The following NXN variants were observed in gnomAD, a reference collection of about 807,000 sequenced individuals.
The protein encoded by NXN is nucleoredoxin.
NXN carries 16 observed loss-of-function variants against 48.6 expected under a neutral mutation model. The observed-to-expected ratio is 0.33, with a 90% CI of 0.22 to 0.50. The LOEUF (loss-of-function observed/expected upper bound fraction) is 0.50. Among genes scored for constraint, NXN ranks in the 20% least tolerant of loss-of-function variants. The pLI, the probability that NXN is intolerant of heterozygous loss-of-function variation, is 0.98. For synonymous variants in NXN, 281 were observed against 269.6 expected, an observed-to-expected ratio of 1.04 and a Z score of -0.41; for missense variants, 492 against 605.5, an observed-to-expected ratio of 0.81 and a Z score of 1.97.
chr17:887,292 C>T (rs1376196651), intron 1 of NXN, among the ~76,000 whole-genome samples: 1 of 152,150 alleles, frequency 6.6e-6, no homozygotes, highest in African/African-American at 2.4e-5. Flanking sequence ...CAAGTGGCCA[C>T]AGCGACGAAG....
intron 4 of NXN, among the ~76,000 whole-genome samples, chr17:820,219 C>T (rs1912747393): frequency 6.6e-6 from 1 of 152,198 alleles, no homozygotes. Flanking sequence ...ATGGTGGTAA[C>T]ATGGTACGTA....
chr17:966,616 G>A (rs1418299478), intron 1 of NXN, among the ~76,000 whole-genome samples: 1 of 152,002 alleles, frequency 6.6e-6, no homozygotes, highest in Non-Finnish European at 1.5e-5. Context: ...CAAAGTGCTG[G>A]GAATACAGAC....
intron 1 of NXN, among the ~76,000 whole-genome samples, chr17:885,648 C>T (rs2068336903): frequency 6.8e-6 from 1 of 148,012 alleles, no homozygotes; most frequent in African/African-American, 2.5e-5. Flanking sequence ...AGGCGCCATG[C>T]CCACCTGGGG....
intron 1 of NXN, among the ~76,000 whole-genome samples, chr17:912,931 G>T (rs913592207): frequency 6.6e-6 from 1 of 152,042 alleles, no homozygotes; most frequent in Non-Finnish European, 1.5e-5. Flanking sequence ...TCCAGCCTGG[G>T]CGACAGAGTG....
At chr17:935,184 G>A (rs1464021045) in intron 1 of NXN, among the ~76,000 whole-genome samples, 1 of 151,934 alleles carries the variant, frequency 6.6e-6, no homozygotes. Context: ...ACTAGAGACA[G>A]GGTTTTACCA....
In NXN at chr17:884,180, C is replaced by T. The variant is rs58098337; in HGVS notation, c.361-58102G>A. 7.8e-3 allele frequency among the ~76,000 whole-genome samples: 1,180 copies of T among 151,342 alleles called. 13 individuals are homozygous for T. Among genetic ancestry groups the T allele is most frequent in the African/African-American group, 0.026 (1,079 of 41,190 alleles). Reference sequence around the variant, plus strand: ...AGCTTGCAGTGAGCTGAGATTGCACCACTGCACTCCAGCCTGGGGGACTGA... The same window carrying T: ...AGCTTGCAGTGAGCTGAGATTGCACTACTGCACTCCAGCCTGGGGGACTGA... On this transcript the variant is annotated intron_variant, in intron 1 of 7. Transcript: ENST00000336868.
chr17:832,021 A>G (rs1173650338), intron 1 of NXN, among the ~76,000 whole-genome samples: 1 of 151,166 alleles, frequency 6.6e-6, no homozygotes, highest in Non-Finnish European at 1.5e-5. Flanking sequence ...TGTAACAGGA[A>G]TCTCTCTGTG....
chr17:811,509 T>TGGG (rs112363540), intron 5 of NXN, among the ~76,000 whole-genome samples: 2,279 of 142,830 alleles, frequency 0.016, 22 homozygotes, highest in South Asian at 0.048. Flanking sequence ...GCCCCGGGGT[T>TGGG]GGGGGGGGGG....
chr17:819,651 G>A (rs911463825), intron 4 of NXN, 106 bp from the exon 5 acceptor site: 6 of 784,088 alleles, frequency 7.7e-6, no homozygotes, highest in Non-Finnish European at 1.2e-5. Flanking sequence ...CAGAAGCCGG[G>A]GTTTCTAACC....
intron 1 of NXN, among the ~76,000 whole-genome samples, chr17:891,769 C>A (rs993882169): frequency 3.4e-4 from 51 of 151,506 alleles, no homozygotes; most frequent in Non-Finnish European, 6.7e-4. Flanking sequence ...TAAGCTAACC[C>A]CACCATGCAG....
chr17:957,911 C>T (rs540712410), intron 1 of NXN, among the ~76,000 whole-genome samples: 4 of 152,302 alleles, frequency 2.6e-5, no homozygotes, highest in Non-Finnish European at 4.4e-5. Flanking sequence ...ACGTCAGCAT[C>T]GCCCAGAATG....
At chr17:832,494 A>G (rs1211517796) in intron 1 of NXN, among the ~76,000 whole-genome samples, 1 of 151,990 alleles carries the variant, frequency 6.6e-6, no homozygotes, top group Non-Finnish European at 1.5e-5. Flanking sequence ...CTCAGCCAGG[A>G]ATTTTTAAGG....
chr17:827,263 G>A (rs1030287807), intron 1 of NXN, among the ~76,000 whole-genome samples: 8 of 151,908 alleles, frequency 5.3e-5, no homozygotes, highest in Non-Finnish European at 5.9e-5. Context: ...TGGATCATGA[G>A]GTCAGGAGAT....
rs373543866 is a variant in NXN at position 822,344 on chromosome 17, C to G, written c.713+13G>C. 2.5e-6 allele frequency: 4 copies of G among 1,597,586 alleles called. No homozygotes were observed. In the African/African-American group the frequency reaches 5.4e-5, roughly 21 times the overall value. ...TACAGAAAAGGGGCCCAGCACTTCA[C>G]GGCACGACTGACCTGTCTGCACTAA... is the stretch of plus-strand genomic sequence containing the variant. On this transcript the variant is annotated intron_variant, in intron 4 of 7. Coordinates refer to ENST00000336868, the MANE Select transcript of NXN (RefSeq NM_022463.5).
intron 1 of NXN, among the ~76,000 whole-genome samples, chr17:853,330 C>T (rs1402505375): frequency 6.6e-6 from 1 of 151,930 alleles, no homozygotes; most frequent in Non-Finnish European, 1.5e-5. Flanking sequence ...CGCCTGTAGT[C>T]CCAGCTACTC....
rs909891730 is a variant in NXN, at chr17:825,406, G to C, written c.478+555C>G. Among the ~76,000 whole-genome samples, 1 of 152,172 alleles carries C rather than the reference G, an allele frequency of 6.6e-6. No individual in the cohort carries two copies. Among genetic ancestry groups the C allele is most frequent in the Non-Finnish European group, 1.5e-5 (1 of 68,030 alleles). ...ACAGCCCTGTTCTCACTCACTGCCA[G>C]AGGGAAAGACGCCACGCGGACGGCC... On this transcript the variant is annotated intron_variant, in intron 2 of 7. Coordinates refer to ENST00000336868, the MANE Select transcript of NXN (RefSeq NM_022463.5). The surrounding 1 kb of genome is among the most constrained non-coding windows in gnomAD (Gnocchi z 4.1).
chr17:819,665 G>T, intron 4 of NXN, 120 bp from the exon 5 acceptor site: 1 of 689,600 alleles, frequency 1.5e-6, no homozygotes, highest in Non-Finnish European at 2.5e-6. Flanking sequence ...TCTAACCACT[G>T]TGCTCCTTAG....
intron 1 of NXN, among the ~76,000 whole-genome samples, chr17:877,599 G>A (rs148740157): frequency 2.0e-3 from 306 of 152,238 alleles, no homozygotes; most frequent in Non-Finnish European, 2.9e-3. Flanking sequence ...GAAGACGGAC[G>A]CGTACATAAA....
intron 1 of NXN, among the ~76,000 whole-genome samples, chr17:937,577 T>C (rs2068921126): frequency 6.6e-6 from 1 of 152,132 alleles, no homozygotes; most frequent in African/African-American, 2.4e-5. Context: ...TTCAAGCTCG[T>C]TTCCTTCAGA....
Sources: gnomAD v4.1 joint callset for allele counts (sites outside exome capture counted in the v4.1 genomes callset) on GRCh38, gnomAD v4.1.1 for gene constraint, Gnocchi (gnomAD v3.1) non-coding constraint, MANE v1.5 for transcripts, NCBI Gene and HGNC (gene_info 2026-07-23, HGNC 2026-07-21) for gene names.